The following THSD4 variants were observed in gnomAD, a reference collection of about 807,000 sequenced individuals.
THSD4 encodes the protein thrombospondin type-1 domain-containing protein 4.
Under a neutral mutation model 119.0 loss-of-function variants are expected in THSD4, and 69 were observed. That is an observed-to-expected ratio of 0.58 (90% CI 0.48 to 0.71). The LOEUF (loss-of-function observed/expected upper bound fraction) is 0.71. Ranked by LOEUF, THSD4 falls within the 30% of genes least tolerant of loss-of-function variation. THSD4 has a pLI of 0.00. For missense variants in THSD4, 1,393 were observed against 1,391.1 expected, an observed-to-expected ratio of 1.00 and a Z score of -0.02; for synonymous variants, 524 against 540.4, an observed-to-expected ratio of 0.97 and a Z score of 0.42.
intron 6 of THSD4, among the ~76,000 whole-genome samples, chr15:71,361,581 G>A (rs1001413379): frequency 1.3e-5 from 2 of 152,302 alleles, no homozygotes; most frequent in East Asian, 3.9e-4. Context: ...TCTGTGGAAA[G>A]CAATTTGGTA....
At chr15:71,180,397 C>T (rs995475023) in intron 3 of THSD4, among the ~76,000 whole-genome samples, 3 of 152,034 alleles carry the variant, frequency 2.0e-5, no homozygotes, top group Non-Finnish European at 1.5e-5. Context: ...TTAAAAGATG[C>T]TCAATGTTTA....
chr15:71,771,050 TTGTTCCCATGCAG>T lies in THSD4; in HGVS notation c.2770-7_2775del, dbSNP rs1356724510. 1 of 1,612,036 alleles carries T rather than the reference TTGTTCCCATGCAG, an allele frequency of 6.2e-7. No homozygotes were observed. The highest frequency in any genetic ancestry group is 1.1e-5 in the South Asian group (1 of 90,450). ...TGCCCAAAAATCTGATGTTTTCCCT[TTGTTCCCATGCAG>T]TGTTCCAAGAGCTGCCAGGGTGGCT... On this transcript the variant is annotated splice_acceptor_variant and splice_polypyrimidine_tract_variant and intron_variant, in intron 16 of 17. Transcript: ENST00000261862. LOFTEE classifies it high-confidence loss of function.
chr15:71,187,718 A>G (rs913599688), intron 3 of THSD4: 9 of 152,312 alleles, frequency 5.9e-5, no homozygotes, highest in African/African-American at 1.9e-4. Flanking sequence ...CTGCATTTGC[A>G]TTTCTATAGA....
chr15:71,135,230 G>A (rs1311121950), intron 1 of THSD4, among the ~76,000 whole-genome samples: 2 of 108,906 alleles, frequency 1.8e-5, no homozygotes. Flanking sequence ...GGTGGGGGTA[G>A]GGGGGAGGGG....
intron 6 of THSD4, among the ~76,000 whole-genome samples, chr15:71,331,980 G>A (rs1596342511): frequency 6.6e-6 from 1 of 152,278 alleles, no homozygotes; most frequent in African/African-American, 2.4e-5. Context: ...AAACAGGTTA[G>A]GAGAATGGTC....
At chr15:71,110,053 A>C (rs947577035) in intron 1 of THSD4, among the ~76,000 whole-genome samples, 17 of 152,236 alleles carry the variant, frequency 1.1e-4, no homozygotes, top group African/African-American at 3.9e-4. Context: ...CAGCAATTTC[A>C]AGCACAATGT....
chr15:71,758,084 C>A lies in THSD4; in HGVS notation c.2589+9C>A. Reference sequence around the variant, plus strand: ...CCGGGAGCTGGAGTCAGGTGAGTGGCCAGAACTGGGTATGTCTGCCTGTGT... The same window carrying A: ...CCGGGAGCTGGAGTCAGGTGAGTGGACAGAACTGGGTATGTCTGCCTGTGT... On this transcript the variant is annotated intron_variant, in intron 15 of 17. Transcript: ENST00000261862. The A allele has an allele frequency of 6.4e-7, 1 of 1,560,898 alleles. No homozygotes were observed. Among genetic ancestry groups the A allele is most frequent in the Non-Finnish European group, 8.7e-7 (1 of 1,151,344 alleles).
chr15:71,463,595 G>T (rs1371970378), intron 7 of THSD4, among the ~76,000 whole-genome samples: 1 of 152,136 alleles, frequency 6.6e-6, no homozygotes, highest in Non-Finnish European at 1.5e-5. Flanking sequence ...GGGGCAAGCT[G>T]GGAACTGTTT....
intron 3 of THSD4, among the ~76,000 whole-genome samples, chr15:71,207,574 T>C (rs2043854570): frequency 1.3e-5 from 2 of 152,190 alleles, no homozygotes; most frequent in Admixed American, 6.5e-5. Context: ...TGTGGACCAG[T>C]ACTGGGCCGC....
chr15:71,686,289 C>T (rs900242560), intron 8 of THSD4, among the ~76,000 whole-genome samples: 2 of 152,158 alleles, frequency 1.3e-5, no homozygotes, highest in African/African-American at 2.4e-5. Context: ...GATTTACATG[C>T]TTAACTGGTT....
At chr15:71,401,500 T>C (rs2046532282) in intron 6 of THSD4, among the ~76,000 whole-genome samples, 1 of 152,232 alleles carries the variant, frequency 6.6e-6, no homozygotes, top group Non-Finnish European at 1.5e-5. Flanking sequence ...TTTTAGCTGT[T>C]CTTTTGATTT....
chr15:71,281,378 G>A (rs2044650350), intron 6 of THSD4, among the ~76,000 whole-genome samples: 3 of 152,244 alleles, frequency 2.0e-5, no homozygotes, highest in Non-Finnish European at 2.9e-5. Flanking sequence ...GCTATGCACA[G>A]GAAAACGCAT....
At chr15:71,653,546 A>T (rs991375374) in intron 7 of THSD4, among the ~76,000 whole-genome samples, 5 of 152,210 alleles carry the variant, frequency 3.3e-5, no homozygotes, top group East Asian at 3.9e-4. Context: ...CCTACAATGC[A>T]TAAGGCAACC....
At chr15:71,297,748 A>G (rs2044886407) in intron 6 of THSD4, among the ~76,000 whole-genome samples, 2 of 152,158 alleles carry the variant, frequency 1.3e-5, no homozygotes, top group Admixed American at 1.3e-4. Flanking sequence ...AGCTGGGACT[A>G]CAGCTGCACA....
chr15:71,643,109 G>A (rs531569066), intron 7 of THSD4, among the ~76,000 whole-genome samples: 52 of 152,118 alleles, frequency 3.4e-4, no homozygotes, highest in African/African-American at 1.3e-3. Context: ...TTGGGGTACT[G>A]GGAGGAGTCA....
At chr15:71,488,790 G>A (rs893466749) in intron 7 of THSD4, among the ~76,000 whole-genome samples, 1 of 151,858 alleles carries the variant, frequency 6.6e-6, no homozygotes, top group African/African-American at 2.4e-5. Flanking sequence ...ACTATTCCCC[G>A]CCCCTTTCCC....
chr15:71,199,304 T>G (rs2043747033), intron 3 of THSD4, among the ~76,000 whole-genome samples: 1 of 152,218 alleles, frequency 6.6e-6, no homozygotes, highest in Non-Finnish European at 1.5e-5. Flanking sequence ...GACTAGATTC[T>G]TTTGCTTTTC....
chr15:71,411,670 T>A lies in THSD4; in HGVS notation c.1016-17T>A, dbSNP rs1183021138. The A allele has an allele frequency of 1.2e-6, 2 of 1,607,550 alleles. No individual in the cohort carries two copies. The highest frequency in any genetic ancestry group is 1.7e-6 in the Non-Finnish European group (2 of 1,176,610). ...TACCTTATCTTTATTTTATTTTATT[T>A]CATTTTACTTTGGTAGTAAAAGGCA... On this transcript the variant is annotated splice_polypyrimidine_tract_variant and intron_variant, in intron 6 of 17. Coordinates refer to ENST00000261862, the MANE Select transcript of THSD4 (RefSeq NM_024817.3).
At chr15:71,188,391 G>A (rs1020716220) in intron 3 of THSD4, among the ~76,000 whole-genome samples, 2 of 152,162 alleles carry the variant, frequency 1.3e-5, no homozygotes, top group African/African-American at 4.8e-5. Flanking sequence ...GAGAGCAGGA[G>A]CTGTGAGATG....
Sources: gnomAD v4.1 joint callset for allele counts (sites outside exome capture counted in the v4.1 genomes callset) on GRCh38, gnomAD v4.1.1 for gene constraint, MANE v1.5 for transcripts, NCBI Gene and HGNC (gene_info 2026-07-23, HGNC 2026-07-21) for gene names.